PTPRR: variants seen among roughly 807,000 people sequenced by gnomAD.
PTPRR encodes receptor-type tyrosine-protein phosphatase R.
In PTPRR, 38 loss-of-function variants were observed where a neutral mutation model predicts 77.2. That is an observed-to-expected ratio of 0.49 (90% CI 0.38 to 0.65). The LOEUF is 0.65. Among genes scored for constraint, PTPRR ranks in the 30% least tolerant of loss-of-function variants. The probability of loss-of-function intolerance (pLI) is 0.00; values close to 1 mark genes in which losing one functional copy is unlikely to be tolerated. For synonymous variants in PTPRR, 299 were observed against 283.1 expected, an observed-to-expected ratio of 1.06 and a Z score of -0.57; for missense variants, 744 against 799.2, an observed-to-expected ratio of 0.93 and a Z score of 0.83.
At chr12:70,830,365 C>T (rs1329854293) in intron 2 of PTPRR, among the ~76,000 whole-genome samples, 3 of 152,178 alleles carry the variant, frequency 2.0e-5, no homozygotes, top group African/African-American at 4.8e-5. Flanking sequence ...GGAGGCTCCA[C>T]CTTGACATGC....
chr12:70,647,075 T>C (rs1452781392), intron 13 of PTPRR, among the ~76,000 whole-genome samples: 1 of 152,110 alleles, frequency 6.6e-6, no homozygotes, highest in Non-Finnish European at 1.5e-5. Flanking sequence ...TGGATGTCAT[T>C]CCAGTTTAAG....
chr12:70,713,898 G>A (rs1002926753), intron 6 of PTPRR, among the ~76,000 whole-genome samples: 3 of 152,106 alleles, frequency 2.0e-5, no homozygotes, highest in African/African-American at 7.2e-5. Context: ...GCCATGGTTT[G>A]CCTGGGTATT....
chr12:70,806,760 T>A (rs1891717121), intron 2 of PTPRR, among the ~76,000 whole-genome samples: 1 of 152,184 alleles, frequency 6.6e-6, no homozygotes, highest in Admixed American at 6.6e-5. Flanking sequence ...ATCTTACTTA[T>A]CCCAAAATCC....
At chr12:70,766,343 A>C (rs1478060361) in intron 2 of PTPRR, among the ~76,000 whole-genome samples, 1 of 152,224 alleles carries the variant, frequency 6.6e-6, no homozygotes, top group Non-Finnish European at 1.5e-5. Context: ...CTGAAAGCCA[A>C]GGCTTGAGAA....
intron 4 of PTPRR, 63 bp from the exon 5 acceptor site, chr12:70,754,364 C>T: frequency 6.2e-7 from 1 of 1,600,426 alleles, no homozygotes; most frequent in Non-Finnish European, 8.5e-7. Flanking sequence ...GCGTTCTTAT[C>T]AGACACTAAA....
At chr12:70,915,329 A>G (rs1198491295) in intron 1 of PTPRR, among the ~76,000 whole-genome samples, 1 of 152,204 alleles carries the variant, frequency 6.6e-6, no homozygotes, top group East Asian at 1.9e-4. Flanking sequence ...AAAAGGCTGA[A>G]TGTGCATAAT....
intron 2 of PTPRR, among the ~76,000 whole-genome samples, chr12:70,873,974 T>A (rs570002187): frequency 2.6e-5 from 4 of 152,076 alleles, no homozygotes; most frequent in Non-Finnish European, 4.4e-5. Flanking sequence ...GGTTAAAAAG[T>A]TTTCCTGCTA....
chr12:70,913,726 C>G (rs1199464240), intron 1 of PTPRR, among the ~76,000 whole-genome samples: 1 of 152,038 alleles, frequency 6.6e-6, no homozygotes, highest in Non-Finnish European at 1.5e-5. Context: ...TCCTTGTTGT[C>G]AATAAGTGTA....
At chr12:70,744,737 G>A (rs1890158042) in intron 6 of PTPRR, among the ~76,000 whole-genome samples, 1 of 152,140 alleles carries the variant, frequency 6.6e-6, no homozygotes, top group African/African-American at 2.4e-5. Context: ...CAAAATATAT[G>A]GGGTTAGAAA....
intron 10 of PTPRR, chr12:70,671,830 C>A: frequency 3.5e-6 from 2 of 566,046 alleles, no homozygotes; most frequent in Non-Finnish European, 6.4e-6. Flanking sequence ...GTCATTGGTG[C>A]CAGTGCTCAG....
At chr12:70,789,792 C>T (rs1314514874) in intron 2 of PTPRR, among the ~76,000 whole-genome samples, 12 of 152,106 alleles carry the variant, frequency 7.9e-5, no homozygotes. Flanking sequence ...ATCATTTATA[C>T]ATTACTGGCC....
intron 2 of PTPRR, among the ~76,000 whole-genome samples, chr12:70,798,122 A>G (rs1285387167): frequency 6.6e-6 from 1 of 152,216 alleles, no homozygotes; most frequent in African/African-American, 2.4e-5. Flanking sequence ...TTATTCTAAC[A>G]TTCCCATTTT....
chr12:70,645,136 G>T (rs1301226565), intron 13 of PTPRR, among the ~76,000 whole-genome samples: 2 of 152,188 alleles, frequency 1.3e-5, no homozygotes, highest in East Asian at 1.9e-4. Context: ...AGGAGGATGG[G>T]TCATTAGGAC....
chr12:70,723,475 A>G (rs1329745064), intron 6 of PTPRR, among the ~76,000 whole-genome samples: 2 of 152,186 alleles, frequency 1.3e-5, no homozygotes, highest in Non-Finnish European at 2.9e-5. Context: ...CCCAGGACTC[A>G]ATATTTTCTC....
chr12:70,678,303 A>G (rs955337655), intron 10 of PTPRR, among the ~76,000 whole-genome samples: 4 of 152,216 alleles, frequency 2.6e-5, no homozygotes, highest in Admixed American at 6.5e-5. Context: ...GGCCTGCCAA[A>G]GTGCTGGGGT....
chr12:70,766,558 G>A lies in PTPRR; in HGVS notation c.358-1780C>T, dbSNP rs144978401. Reference sequence around the variant, plus strand: ...TCTGATTGGTGTACTTGAACGTGACGGGGAGAATGGAACCAAGTTGGAAAA... The same window carrying A: ...TCTGATTGGTGTACTTGAACGTGACAGGGAGAATGGAACCAAGTTGGAAAA... On this transcript the variant is annotated intron_variant, in intron 2 of 13. Coordinates refer to ENST00000283228, the MANE Select transcript of PTPRR (RefSeq NM_002849.4). 6.8e-4 allele frequency among the ~76,000 whole-genome samples: 104 copies of A among 152,040 alleles called. No homozygotes were observed. The East Asian group carries it at 0.016, about 23-fold the overall frequency.
chr12:70,856,177 C>T (rs975114797), intron 2 of PTPRR, among the ~76,000 whole-genome samples: 1 of 152,172 alleles, frequency 6.6e-6, no homozygotes, highest in African/African-American at 2.4e-5. Flanking sequence ...ATGCCATCCA[C>T]TACACCAAGC....
In PTPRR at chr12:70,867,134, C is replaced by T. The variant is rs1386908522; in HGVS notation, c.357+25545G>A. ...ATTCCCTTTGAAAACTGGCACAAGA[C>T]AGGGATGCCCTCTCTCACCACTCCT... On this transcript the variant is annotated intron_variant, in intron 2 of 13. Transcript: ENST00000283228. 4.0e-5 allele frequency among the ~76,000 whole-genome samples: 6 copies of T among 150,310 alleles called. No homozygotes were observed. In the East Asian group the frequency reaches 1.2e-3, roughly 29 times the overall value.
intron 6 of PTPRR, among the ~76,000 whole-genome samples, chr12:70,724,771 G>A (rs1191725624): frequency 1.3e-5 from 2 of 152,018 alleles, no homozygotes; most frequent in Admixed American, 6.6e-5. Context: ...TGTAGTGTGT[G>A]TATATATATG....
Sources: allele counts gnomAD v4.1 joint callset (sites outside exome capture counted in the v4.1 genomes callset), GRCh38; gene constraint gnomAD v4.1.1; transcripts MANE v1.5; gene names NCBI Gene and HGNC (gene_info 2026-07-23, HGNC 2026-07-21).